KAZN: variants seen among roughly 807,000 people sequenced by gnomAD.
The protein encoded by KAZN is kazrin, periplakin interacting protein, also known as kazrin.
Under a neutral mutation model 87.4 loss-of-function variants are expected in KAZN, and 40 were observed. That is an observed-to-expected ratio of 0.46 (90% CI 0.36 to 0.60). The LOEUF is 0.60. Among genes scored for constraint, KAZN ranks in the 20% least tolerant of loss-of-function variants. KAZN has a pLI of 0.00. For synonymous variants in KAZN, 466 were observed against 458.3 expected (o/e 1.02, Z -0.22); for missense variants, 898 against 1,073.9 (o/e 0.84, Z 2.29).
chr1:14,504,587 A>G (rs908617793), intron 2 of KAZN, among the ~76,000 whole-genome samples: 1 of 152,162 alleles, frequency 6.6e-6, no homozygotes, highest in Non-Finnish European at 1.5e-5. Flanking sequence ...GATGAGAGCT[A>G]TCTGGGAGGA....
At chr1:14,345,477 T>G (rs1658039997) in intron 2 of KAZN, among the ~76,000 whole-genome samples, 1 of 135,156 alleles carries the variant, frequency 7.4e-6, no homozygotes, top group African/African-American at 3.0e-5. Flanking sequence ...CATATTTTAT[T>G]TAGCACAGTA....
At chr1:14,793,647 T>C (rs890041072) in intron 1 of KAZN, among the ~76,000 whole-genome samples, 8 of 152,234 alleles carry the variant, frequency 5.3e-5, no homozygotes, top group Admixed American at 4.6e-4. Context: ...CATAAATGTT[T>C]GCTTTCATTC....
chr1:14,279,880 C>T (rs1191259742), intron 2 of KAZN, among the ~76,000 whole-genome samples: 1 of 152,082 alleles, frequency 6.6e-6, no homozygotes, highest in Admixed American at 6.5e-5. Context: ...CTGGAAAGTA[C>T]AGGGGCCCAC....
intron 1 of KAZN, among the ~76,000 whole-genome samples, chr1:14,760,595 G>A (rs1165905911): frequency 6.6e-6 from 1 of 152,128 alleles, no homozygotes; most frequent in Non-Finnish European, 1.5e-5. Flanking sequence ...AGCAGCCAGA[G>A]TAGTCTTTTA....
chr1:14,931,870 T>C (rs144114940), intron 1 of KAZN, among the ~76,000 whole-genome samples: 1 of 152,310 alleles, frequency 6.6e-6, no homozygotes, highest in Non-Finnish European at 1.5e-5. Flanking sequence ...GTCAGGTAGA[T>C]GGACATCTAA....
intron 2 of KAZN, among the ~76,000 whole-genome samples, chr1:14,457,337 GTTCCT>G (rs1667619619): frequency 6.6e-6 from 1 of 151,968 alleles, no homozygotes; most frequent in African/African-American, 2.4e-5. Flanking sequence ...ATACCTGTTC[GTTCCT>G]TTCCCAATTT....
intron 1 of KAZN, among the ~76,000 whole-genome samples, chr1:14,797,500 G>A (rs1440248428): frequency 6.6e-6 from 1 of 152,188 alleles, no homozygotes; most frequent in Non-Finnish European, 1.5e-5. Context: ...AAGTGTGTTG[G>A]AACCAAGAAT....
In KAZN at chr1:14,319,336, A is replaced by T. The variant is rs78882233; in HGVS notation, c.249+138744A>T. 1.2e-4 allele frequency among the ~76,000 whole-genome samples: 19 copies of T among 152,134 alleles called. No homozygotes were observed. In the East Asian group the frequency reaches 3.7e-3, roughly 29 times the overall value. ...TTGAGTGATTACTGAATCACCAGGG[A>T]TAACTCTGGCTGAATTCAAACAATT... On this transcript the variant is annotated intron_variant, in intron 2 of 16. Transcript: ENST00000636203.
At chr1:14,620,509 C>T (rs1003848328) in intron 1 of KAZN, among the ~76,000 whole-genome samples, 5 of 152,188 alleles carry the variant, frequency 3.3e-5, no homozygotes, top group African/African-American at 9.7e-5. Context: ...AGGGCTCGGC[C>T]AGGTCATTAG....
At chr1:14,248,124 C>T (rs969569856) in intron 2 of KAZN, among the ~76,000 whole-genome samples, 3 of 152,184 alleles carry the variant, frequency 2.0e-5, no homozygotes, top group Non-Finnish European at 4.4e-5. Flanking sequence ...CATAGATGCT[C>T]CCGGGTTCAT....
intron 2 of KAZN, among the ~76,000 whole-genome samples, chr1:14,370,245 G>A (rs971183469): frequency 2.0e-5 from 3 of 152,184 alleles, no homozygotes; most frequent in Non-Finnish European, 4.4e-5. Context: ...TGAAGGAGAG[G>A]AAGAAGTGGG....
At chr1:14,514,476 T>A (rs545779398) in intron 2 of KAZN, among the ~76,000 whole-genome samples, 1 of 4,550 alleles carries the variant, frequency 2.2e-4, no homozygotes, top group Non-Finnish European at 5.5e-4. Context: ...ATATAAATAT[T>A]TTATATAAAT....
intron 1 of KAZN, among the ~76,000 whole-genome samples, chr1:14,148,633 C>T (rs1355841298): frequency 6.6e-6 from 1 of 151,958 alleles, no homozygotes; most frequent in Non-Finnish European, 1.5e-5. Context: ...GTTTATGTTT[C>T]TTTTGTGTTT....
intron 1 of KAZN, among the ~76,000 whole-genome samples, chr1:14,089,993 T>A (rs192408963): frequency 9.9e-5 from 15 of 152,234 alleles, no homozygotes; most frequent in African/African-American, 3.6e-4. Flanking sequence ...TTTTCTTTGG[T>A]TCTCTGTAAA....
intron 2 of KAZN, among the ~76,000 whole-genome samples, chr1:14,456,245 T>C (rs1397088384): frequency 6.6e-6 from 1 of 152,252 alleles, no homozygotes; most frequent in Non-Finnish European, 1.5e-5. Flanking sequence ...AGTGTTCTTC[T>C]ACTTCCCTTG....
chr1:13,936,782 CT>C (rs1285898156), intron 1 of KAZN, among the ~76,000 whole-genome samples: 1 of 152,152 alleles, frequency 6.6e-6, no homozygotes, highest in African/African-American at 2.4e-5. Context: ...GATTTCATGA[CT>C]TTGCTATTGT....
chr1:14,547,369 T>A (rs576940373), intron 2 of KAZN, among the ~76,000 whole-genome samples: 9 of 152,360 alleles, frequency 5.9e-5, no homozygotes, highest in Admixed American at 5.9e-4. Context: ...GCCTGAATTC[T>A]AGTCTTGACT....
At chr1:14,340,336 G>C (rs553583459) in intron 2 of KAZN, among the ~76,000 whole-genome samples, 1 of 152,364 alleles carries the variant, frequency 6.6e-6, no homozygotes, top group East Asian at 1.9e-4. Context: ...ATATAACCAA[G>C]TTTTACTGCT....
intron 2 of KAZN, chr1:14,349,304 G>A (rs746294558): frequency 2.6e-5 from 4 of 152,234 alleles, no homozygotes; most frequent in Non-Finnish European, 5.9e-5. Context: ...GAGAGATTAA[G>A]GCAGGGGATT....
Sources: allele counts gnomAD v4.1 joint callset (sites outside exome capture counted in the v4.1 genomes callset), GRCh38; gene constraint gnomAD v4.1.1; transcripts MANE v1.5; gene names NCBI Gene and HGNC (gene_info 2026-07-23, HGNC 2026-07-21).